CERKL: variants seen among roughly 807,000 people sequenced by gnomAD.
CERKL encodes CERK like autophagy regulator, also known as ceramide kinase-like protein.
Under a neutral mutation model 63.4 loss-of-function variants are expected in CERKL, and 61 were observed. That is an observed-to-expected ratio of 0.96 (90% confidence interval 0.78 to 1.19). The LOEUF is 1.19. Ranked by LOEUF, CERKL falls within the 50% of genes most tolerant of loss-of-function variation. The probability of loss-of-function intolerance (pLI) is 0.00; values close to 1 mark genes in which losing one functional copy is unlikely to be tolerated. For missense variants in CERKL, 675 were observed against 655.5 expected (o/e 1.03, Z -0.33); for synonymous variants, 250 against 230.5 (o/e 1.08, Z -0.77).
At chr2:181,589,516 G>A (rs1274014139) in intron 2 of CERKL, among the ~76,000 whole-genome samples, 1 of 152,142 alleles carries the variant, frequency 6.6e-6, no homozygotes, top group Non-Finnish European at 1.5e-5. Flanking sequence ...GGATACACAA[G>A]TAAAAATCTT....
intron 2 of CERKL, among the ~76,000 whole-genome samples, chr2:181,593,277 A>G (rs1685061804): frequency 6.6e-6 from 1 of 152,132 alleles, no homozygotes; most frequent in Non-Finnish European, 1.5e-5. Flanking sequence ...AAAAGAGATA[A>G]ATAGAGGACC....
intron 5 of CERKL, among the ~76,000 whole-genome samples, chr2:181,557,647 C>G (rs959144712): frequency 6.6e-6 from 1 of 152,248 alleles, no homozygotes; most frequent in African/African-American, 2.4e-5. Flanking sequence ...AAAATGAATC[C>G]TCCTGGAACA....
At chr2:181,634,424 T>C (rs1162321619) in intron 1 of CERKL, among the ~76,000 whole-genome samples, 1 of 152,148 alleles carries the variant, frequency 6.6e-6, no homozygotes, top group African/African-American at 2.4e-5. Context: ...CACATTATGT[T>C]GCAACAGTAT....
At chr2:181,630,786 C>T (rs1271520180) in intron 1 of CERKL, among the ~76,000 whole-genome samples, 1 of 152,126 alleles carries the variant, frequency 6.6e-6, no homozygotes, top group African/African-American at 2.4e-5. Flanking sequence ...CTATACTATC[C>T]TGCCTTGACT....
chr2:181,621,518 T>C (rs1686447172), intron 1 of CERKL, among the ~76,000 whole-genome samples: 1 of 152,226 alleles, frequency 6.6e-6, no homozygotes, highest in Non-Finnish European at 1.5e-5. Context: ...TAAATGTTTA[T>C]ACCTTGGCAG....
At chr2:181,607,550 A>G (rs971764974) in intron 1 of CERKL, among the ~76,000 whole-genome samples, 4 of 152,238 alleles carry the variant, frequency 2.6e-5, no homozygotes, top group African/African-American at 9.6e-5. Context: ...ATTAGAAACA[A>G]AAAGCTGGAT....
chr2:181,650,937 G>T (rs1041490450), intron 1 of CERKL, among the ~76,000 whole-genome samples: 7 of 152,010 alleles, frequency 4.6e-5, no homozygotes, highest in Non-Finnish European at 1.0e-4. Context: ...TGATAACATA[G>T]AAAAAACGAA....
At chr2:181,619,698 A>AGTC (rs1220448067) in intron 1 of CERKL, among the ~76,000 whole-genome samples, 1 of 152,118 alleles carries the variant, frequency 6.6e-6, no homozygotes, top group African/African-American at 2.4e-5. Context: ...CTTTTCAAAT[A>AGTC]TTAACCAACT....
chr2:181,610,759 G>A (rs995686968), intron 1 of CERKL, among the ~76,000 whole-genome samples: 7 of 152,146 alleles, frequency 4.6e-5, no homozygotes, highest in African/African-American at 1.4e-4. Context: ...TATGAAATAT[G>A]AGACTAATTT....
chr2:181,607,632 T>C (rs1359275477), intron 1 of CERKL, among the ~76,000 whole-genome samples: 1 of 152,202 alleles, frequency 6.6e-6, no homozygotes, highest in Non-Finnish European at 1.5e-5. Flanking sequence ...GTCAGCATAT[T>C]ACCAGTCATT....
chr2:181,603,657 T>C (rs1410949970), intron 2 of CERKL, 180 bp downstream of exon 2: 9 of 711,642 alleles, frequency 1.3e-5, no homozygotes, highest in Non-Finnish European at 2.3e-5. Context: ...AAAATATGAT[T>C]ATCTCAATTA....
chr2:181,592,345 A>C (rs920795281), intron 2 of CERKL, among the ~76,000 whole-genome samples: 2 of 152,224 alleles, frequency 1.3e-5, no homozygotes, highest in African/African-American at 2.4e-5. Flanking sequence ...TATCAACTAT[A>C]TAACTAATAT....
chr2:181,650,545 G>A (rs1479061952), intron 1 of CERKL, among the ~76,000 whole-genome samples: 1 of 152,144 alleles, frequency 6.6e-6, no homozygotes. Flanking sequence ...GAACACCTGA[G>A]GTCGGGAGTT....
At chr2:181,654,637 C>T (rs981940913) in intron 1 of CERKL, among the ~76,000 whole-genome samples, 5 of 152,178 alleles carry the variant, frequency 3.3e-5, no homozygotes, top group African/African-American at 1.2e-4. Flanking sequence ...ATCATGTCCT[C>T]CCAAGTACAG....
intron 10 of CERKL, among the ~76,000 whole-genome samples, chr2:181,547,023 T>G (rs945829672): frequency 6.6e-6 from 1 of 152,086 alleles, no homozygotes; most frequent in Non-Finnish European, 1.5e-5. Flanking sequence ...TCTCATGAGA[T>G]CTAATGGTTT....
At chr2:181,549,730 A>T (rs1342338864) in intron 5 of CERKL, 22 bp from the exon 6 acceptor site, 2 of 1,508,268 alleles carry the variant, frequency 1.3e-6, no homozygotes, top group African/African-American at 2.7e-5. Flanking sequence ...ATTTTAAAAC[A>T]TGCACTATTA....
At chr2:181,628,329 A>G (rs973937932) in intron 1 of CERKL, among the ~76,000 whole-genome samples, 2 of 152,160 alleles carry the variant, frequency 1.3e-5, no homozygotes, top group South Asian at 2.1e-4. Flanking sequence ...TACTTTACCT[A>G]TTGGGAGAAG....
intron 6 of CERKL, 83 bp from the exon 7 acceptor site, chr2:181,548,940 G>T: frequency 8.0e-7 from 1 of 1,246,230 alleles, no homozygotes; most frequent in Non-Finnish European, 1.2e-6. Context: ...ATATTTATTG[G>T]CTTATAGGAG....
intron 1 of CERKL, among the ~76,000 whole-genome samples, chr2:181,631,896 T>G (rs1161161859): frequency 6.6e-6 from 1 of 152,216 alleles, no homozygotes; most frequent in East Asian, 1.9e-4. Context: ...ATTGTTAAAC[T>G]AAACCATCTG....
Sources: allele counts gnomAD v4.1 joint callset (sites outside exome capture counted in the v4.1 genomes callset), GRCh38; gene constraint gnomAD v4.1.1; transcripts MANE v1.5; gene names NCBI Gene and HGNC (gene_info 2026-07-23, HGNC 2026-07-21).